Variants in RASEF observed in about 807,000 individuals in gnomAD.
RASEF encodes RAS and EF-hand domain containing, also known as ras and EF-hand domain-containing protein.
A neutral mutation model predicts 90.1 loss-of-function variants in RASEF; 68 were observed. The ratio of observed to expected loss-of-function variants is 0.75; its 90% confidence interval spans 0.62 to 0.92. RASEF has a LOEUF of 0.92. Among genes scored for constraint, RASEF ranks in the 40% least tolerant of loss-of-function variants. The pLI, the probability that RASEF is intolerant of heterozygous loss-of-function variation, is 0.00. For missense variants in RASEF, 949 were observed against 937.2 expected, an observed-to-expected ratio of 1.01 and a Z score of -0.16; for synonymous variants, 331 against 345.2, an observed-to-expected ratio of 0.96 and a Z score of 0.46.
At chr9:82,999,676 T>A (rs1278303008) in intron 12 of RASEF, among the ~76,000 whole-genome samples, 1 of 151,162 alleles carries the variant, frequency 6.6e-6, no homozygotes, top group African/African-American at 2.4e-5. Flanking sequence ...TGATCTCGGC[T>A]CACTGCAACC....
chr9:82,991,736 G>T (rs912178763), intron 15 of RASEF, among the ~76,000 whole-genome samples: 4 of 152,212 alleles, frequency 2.6e-5, no homozygotes, highest in African/African-American at 9.6e-5. Flanking sequence ...GAGGATGCAG[G>T]ACTGTGGAGG....
the RASEF span, among the ~76,000 whole-genome samples, chr9:83,094,096 A>G: frequency 3.9e-5 from 6 of 152,056 alleles, no homozygotes; most frequent in African/African-American, 1.4e-4. Context: ...CCATGAAACT[A>G]TTTGCTTTGT....
chr9:83,103,142 T>C, the RASEF span, among the ~76,000 whole-genome samples: 1 of 152,160 alleles, frequency 6.6e-6, no homozygotes, highest in Non-Finnish European at 1.5e-5. Context: ...TTGCTTGATA[T>C]GGTCACACAC....
the RASEF span, among the ~76,000 whole-genome samples, chr9:83,099,808 C>T: frequency 2.6e-5 from 4 of 152,274 alleles, no homozygotes. Context: ...ACATTAGTGC[C>T]AGAATCTGCA....
At position 83,008,891 on chromosome 9, in the gene RASEF, CATATATATATATATATATATATATATATA is replaced by C. The variant is rs1242349163; in HGVS notation, c.959+721_959+749del. ...TCCCAACTAAATTTGAAGTTCTCATCATATATATATATATATATATATATATATATATATATATATATATGACGTGGGCT... is the reference window on the plus strand; with the variant it reads ...TCCCAACTAAATTTGAAGTTCTCATCTATATATATATATATGACGTGGGCT... On this transcript the variant is annotated intron_variant, in intron 6 of 16. Transcript: ENST00000376447. Among the ~76,000 whole-genome samples, 13 of 19,564 alleles carry C rather than the reference CATATATATATATATATATATATATATATA, an allele frequency of 6.6e-4. 2 individuals are homozygous for C. The highest frequency in any genetic ancestry group is 6.3e-3 in the South Asian group (3 of 474). 12.8% of individuals were successfully genotyped at this position (19,564 alleles called of 152,430 possible). A position where few individuals can be genotyped will look rare whatever the true frequency, so the allele number is the denominator to read the frequency against.
At chr9:83,177,925 T>C in the RASEF span, among the ~76,000 whole-genome samples, 1 of 152,118 alleles carries the variant, frequency 6.6e-6, no homozygotes, top group East Asian at 1.9e-4. Context: ...ACCGATTTTC[T>C]TCATTCTTTC....
At chr9:83,143,289 G>A in the RASEF span, among the ~76,000 whole-genome samples, 2 of 152,162 alleles carry the variant, frequency 1.3e-5, no homozygotes, top group Non-Finnish European at 2.9e-5. Flanking sequence ...ACAGTAAACA[G>A]ACAACCTACA....
the RASEF span, among the ~76,000 whole-genome samples, chr9:83,146,647 A>G: frequency 1.1e-4 from 17 of 152,178 alleles, no homozygotes; most frequent in Admixed American, 1.1e-3. Context: ...TCTGACCGAA[A>G]TTTTCAAACT....
intron 1 of RASEF, chr9:83,048,885 T>G (rs969509703): frequency 2.0e-6 from 1 of 504,612 alleles, no homozygotes; most frequent in African/African-American, 2.1e-5. Context: ...TCCCAACACT[T>G]TGGGAGGCCG....
At chr9:83,210,672 T>C in the RASEF span, among the ~76,000 whole-genome samples, 4 of 152,388 alleles carry the variant, frequency 2.6e-5, no homozygotes, top group East Asian at 7.7e-4. Context: ...TCATGCTTAT[T>C]ATATTGGTCA....
the RASEF span, among the ~76,000 whole-genome samples, chr9:83,146,245 T>C: frequency 1.3e-5 from 2 of 151,966 alleles, no homozygotes; most frequent in African/African-American, 4.8e-5. Flanking sequence ...TGGGCCTCAG[T>C]ATCATCACTT....
At chr9:83,176,963 C>T in the RASEF span, among the ~76,000 whole-genome samples, 2 of 151,994 alleles carry the variant, frequency 1.3e-5, no homozygotes, top group African/African-American at 2.4e-5. Flanking sequence ...TTCTGGTTCT[C>T]TTCATTTATT....
At chr9:83,137,165 C>G in the RASEF span, among the ~76,000 whole-genome samples, 1 of 152,082 alleles carries the variant, frequency 6.6e-6, no homozygotes, top group Non-Finnish European at 1.5e-5. Context: ...ATTCTTCCTT[C>G]TTTCATCTCT....
At chr9:83,061,928 G>T (rs1232791985) in intron 1 of RASEF, among the ~76,000 whole-genome samples, 3 of 152,240 alleles carry the variant, frequency 2.0e-5, no homozygotes, top group African/African-American at 4.8e-5. Flanking sequence ...AAAATGCCTA[G>T]CAGGTACATC....
At chr9:83,075,752 C>A in the RASEF span, among the ~76,000 whole-genome samples, 2 of 151,902 alleles carry the variant, frequency 1.3e-5, no homozygotes, top group South Asian at 2.1e-4. Flanking sequence ...AAAGTAGTTA[C>A]CAATGCTATA....
In RASEF at chr9:83,062,898, C is replaced by T. The variant is rs1408940355; in HGVS notation, c.-31G>A. The T allele has an allele frequency of 2.1e-6, 3 of 1,411,866 alleles. No homozygotes were observed. The highest frequency in any genetic ancestry group is 1.6e-5 in the South Asian group (1 of 63,800). The allele number at this position is 1,411,866 out of a possible 1,614,324, so 87.5% of individuals were successfully genotyped here. A position where few individuals can be genotyped will look rare whatever the true frequency, so the allele number is the denominator to read the frequency against. The stretch of plus-strand genomic sequence containing the variant: ...CTGGCGGGGGCGGCCGAGAGGGCTC[C>T]GGAGCGCCGCGGGGCGCAGGGCCCT... On this transcript the variant is annotated 5_prime_UTR_variant, in exon 1 of 17. Coordinates refer to ENST00000376447, the MANE Select transcript of RASEF (RefSeq NM_152573.4).
At chr9:83,143,159 G>T in the RASEF span, among the ~76,000 whole-genome samples, 1 of 152,170 alleles carries the variant, frequency 6.6e-6, no homozygotes, top group Non-Finnish European at 1.5e-5. Context: ...ATTCAGGCAG[G>T]AGTGAAGAGC....
At chr9:83,147,033 T>C in the RASEF span, among the ~76,000 whole-genome samples, 2 of 108,900 alleles carry the variant, frequency 1.8e-5, no homozygotes, top group African/African-American at 8.8e-5. Context: ...TGTGTGTATA[T>C]ATATATGTAT....
the RASEF span, among the ~76,000 whole-genome samples, chr9:83,196,869 G>C: frequency 1.3e-5 from 2 of 152,348 alleles, no homozygotes; most frequent in South Asian, 4.1e-4. Flanking sequence ...CTGCAGACAT[G>C]AAAATCCAAC....
Sources: gnomAD v4.1 joint callset for allele counts (sites outside exome capture counted in the v4.1 genomes callset) on GRCh38, gnomAD v4.1.1 for gene constraint, MANE v1.5 for transcripts, NCBI Gene and HGNC (gene_info 2026-07-23, HGNC 2026-07-21) for gene names.